The following PCDH11X variants were observed in gnomAD, a reference collection of about 807,000 sequenced individuals.
PCDH11X encodes protocadherin 11 X-linked.
In PCDH11X, 18 loss-of-function variants were observed where a neutral mutation model predicts 53.3. That is an observed-to-expected ratio of 0.34 (90% CI 0.23 to 0.50). The LOEUF is 0.50. Among genes scored for constraint, PCDH11X ranks in the 20% least tolerant of loss-of-function variants. PCDH11X has a pLI of 0.98. For synonymous variants in PCDH11X, 279 were observed against 393.3 expected, an observed-to-expected ratio of 0.71 and a Z score of 3.44; for missense variants, 570 against 1,032.4, an observed-to-expected ratio of 0.55 and a Z score of 6.14.
intron 6 of PCDH11X, among the ~76,000 whole-genome samples, chrX:91,945,794 C>G (rs1406063497): frequency 9.1e-6 from 1 of 110,167 alleles, no homozygotes; most frequent in Non-Finnish European, 1.9e-5. Flanking sequence ...TGAAACCGAA[C>G]CTTTACCCAT....
chrX:91,793,377 CT>C (rs1935624573), intron 1 of PCDH11X, among the ~76,000 whole-genome samples: 1 of 109,569 alleles, frequency 9.1e-6, no homozygotes, highest in Non-Finnish European at 1.9e-5. Flanking sequence ...ATTATATTTA[CT>C]TTTTTAGGAG....
chrX:92,475,449 A>G (rs1603339680), intron 10 of PCDH11X, among the ~76,000 whole-genome samples: 1 of 111,409 alleles, frequency 9.0e-6, no homozygotes, highest in Non-Finnish European at 1.9e-5. Context: ...ATATACTATT[A>G]TAGAGTGAAA....
intron 10 of PCDH11X, among the ~76,000 whole-genome samples, chrX:92,518,847 C>G (rs1262226898): frequency 1.1e-4 from 11 of 102,098 alleles, no homozygotes; most frequent in African/African-American, 3.9e-4. Flanking sequence ...AGCTCCACCT[C>G]CCAGGTTCAT....
At chrX:92,213,456 A>G (rs2066628445) in intron 7 of PCDH11X, among the ~76,000 whole-genome samples, 1 of 111,758 alleles carries the variant, frequency 8.9e-6, no homozygotes, top group Non-Finnish European at 1.9e-5. Context: ...CACAGTTTGC[A>G]AGTGTTTGAT....
chrX:91,965,658 T>C (rs1236485389), intron 6 of PCDH11X, among the ~76,000 whole-genome samples: 3 of 110,574 alleles, frequency 2.7e-5, no homozygotes, highest in Non-Finnish European at 3.8e-5. Flanking sequence ...TGACTCTCCA[T>C]TGATGTTTCT....
At chrX:92,491,739 C>T (rs1300732062) in intron 10 of PCDH11X, among the ~76,000 whole-genome samples, 1 of 111,121 alleles carries the variant, frequency 9.0e-6, no homozygotes, top group Non-Finnish European at 1.9e-5. Context: ...CATTTTCTCC[C>T]TCTCCTTACG....
intron 6 of PCDH11X, among the ~76,000 whole-genome samples, chrX:92,162,052 T>G (rs767211349): frequency 1.2e-5 from 1 of 80,092 alleles, no homozygotes; most frequent in Non-Finnish European, 2.3e-5. Context: ...TTGTATTTAT[T>G]GCTGGTGAGC....
At chrX:92,387,366 CTT>C (rs2071031812) in intron 8 of PCDH11X, among the ~76,000 whole-genome samples, 1 of 112,164 alleles carries the variant, frequency 8.9e-6, no homozygotes, top group Admixed American at 9.5e-5. Flanking sequence ...TTTATCCACA[CTT>C]ATTATTCAAA....
intron 6 of PCDH11X, among the ~76,000 whole-genome samples, chrX:92,109,409 G>T (rs1348001728): frequency 1.8e-5 from 2 of 110,532 alleles, no homozygotes; most frequent in Non-Finnish European, 3.8e-5. Flanking sequence ...GGCAGTAGGG[G>T]CTTGGGAAGT....
chrX:92,147,855 T>TTTC, intron 6 of PCDH11X, among the ~76,000 whole-genome samples: 1 of 22,371 alleles, frequency 4.5e-5, no homozygotes, highest in East Asian at 6.8e-3. Context: ...TTCTTTCTTT[T>TTTC]TTCTTTTCTC....
chrX:91,804,118 A>G (rs1034909389), intron 1 of PCDH11X, among the ~76,000 whole-genome samples: 13 of 112,381 alleles, frequency 1.2e-4, no homozygotes, highest in African/African-American at 3.9e-4. Context: ...CAATGTTAAC[A>G]TGATACATTC....
intron 6 of PCDH11X, among the ~76,000 whole-genome samples, chrX:92,068,602 T>G (rs1281703786): frequency 9.1e-6 from 1 of 110,219 alleles, no homozygotes; most frequent in Non-Finnish European, 1.9e-5. Context: ...TGCAGTTGTG[T>G]GATCTCGGCT....
chrX:92,160,084 T>G (rs959951734), intron 6 of PCDH11X, among the ~76,000 whole-genome samples: 1 of 110,814 alleles, frequency 9.0e-6, no homozygotes, highest in African/African-American at 3.3e-5. Context: ...GGGAATGGTT[T>G]TGTTTATTTT....
rs765789974 is a variant in PCDH11X at position 92,621,478 on chromosome X, CTCT to C, written c.*2543_*2545del. 4 of 109,330 alleles carry C rather than the reference CTCT, an allele frequency of 3.7e-5. No homozygotes were observed. Among genetic ancestry groups the C allele is most frequent in the Non-Finnish European group, 7.6e-5 (4 of 52,584 alleles). The allele number at this position is 109,330 out of a possible 1,213,427, so 9.0% of individuals were successfully genotyped here. A position where few individuals can be genotyped will look rare whatever the true frequency, so the allele number is the denominator to read the frequency against. On this transcript the variant is annotated 3_prime_UTR_variant, in exon 11 of 11. Transcript: ENST00000682573. ...TTAGAATATTAAATGACTGGGCACC[CTCT>C]TCTTGGTTTTTACCAGAGAGGCTTT... is the stretch of plus-strand genomic sequence containing the variant.
chrX:92,379,036 G>C (rs1454972243), intron 8 of PCDH11X, among the ~76,000 whole-genome samples: 3 of 113,042 alleles, frequency 2.7e-5, no homozygotes, highest in Non-Finnish European at 5.6e-5. Context: ...CATGACACCA[G>C]CTGCAGTGGG....
chrX:92,508,250 T>G, intron 10 of PCDH11X, among the ~76,000 whole-genome samples: 1 of 110,267 alleles, frequency 9.1e-6, no homozygotes. Flanking sequence ...TGAGACAGAA[T>G]TTTGCTCTTG....
chrX:92,532,926 G>A (rs1350536598), intron 10 of PCDH11X, among the ~76,000 whole-genome samples: 3 of 110,880 alleles, frequency 2.7e-5, no homozygotes, highest in Non-Finnish European at 5.7e-5. Context: ...TGTTTTTAAA[G>A]CCATCAGGTC....
chrX:92,474,904 G>A lies in PCDH11X; in HGVS notation c.3367+6582G>A, dbSNP rs1426952175. On this transcript the variant is annotated intron_variant, in intron 10 of 10. Coordinates refer to ENST00000682573, the MANE Select transcript of PCDH11X (RefSeq NM_032968.5). ...AGTTTGGCCGGGCGCGGTGGCTCAC[G>A]CCTGTAATCCCAGCACTTTGGGAGG... is the stretch of plus-strand genomic sequence containing the variant. 1.4e-4 allele frequency among the ~76,000 whole-genome samples: 15 copies of A among 109,224 alleles called. 1 individual carries two copies. The highest frequency in any genetic ancestry group is 7.9e-4 in the South Asian group (2 of 2,541). The allele number at this position is 109,224 out of a possible 115,157, so 94.8% of individuals were successfully genotyped here.
chrX:92,315,750 G>C (rs1237487536), intron 8 of PCDH11X, among the ~76,000 whole-genome samples: 1 of 107,425 alleles, frequency 9.3e-6, no homozygotes, highest in Non-Finnish European at 1.9e-5. Context: ...TGCCCAGGCT[G>C]GTCCTGAACT....
Sources: gnomAD v4.1 joint callset for allele counts (sites outside exome capture counted in the v4.1 genomes callset) on GRCh38, gnomAD v4.1.1 for gene constraint, MANE v1.5 for transcripts, NCBI Gene and HGNC (gene_info 2026-07-23, HGNC 2026-07-21) for gene names.